LYPD5: variants seen among roughly 807,000 people sequenced by gnomAD.
LYPD5 encodes the protein ly6/PLAUR domain-containing protein 5.
LYPD5 carries 21 observed loss-of-function variants against 19.1 expected under a neutral mutation model. The ratio of observed to expected loss-of-function variants is 1.10; its 90% CI spans 0.78 to 1.58. The LOEUF is 1.58. Ranked by LOEUF, LYPD5 falls within the 40% of genes most tolerant of loss-of-function variation. The probability of loss-of-function intolerance (pLI) is 0.00; values close to 1 mark genes in which losing one functional copy is unlikely to be tolerated. For missense variants in LYPD5, 287 were observed against 329.8 expected (o/e 0.87, Z 1.00); for synonymous variants, 128 against 142.7 (o/e 0.90, Z 0.74).
intron 1 of LYPD5, among the ~76,000 whole-genome samples, chr19:43,808,252 T>C (rs989346387): frequency 6.6e-6 from 1 of 152,032 alleles, no homozygotes; most frequent in Admixed American, 6.5e-5. Context: ...ATTACAGGTG[T>C]CTGCCACCAC....
At chr19:43,817,667 G>A (rs964910673) in intron 1 of LYPD5, among the ~76,000 whole-genome samples, 1 of 151,988 alleles carries the variant, frequency 6.6e-6, no homozygotes, top group African/African-American at 2.4e-5. Context: ...CCACAGCACA[G>A]TATTGAGTTT....
chr19:43,817,581 T>C (rs1970384044), intron 1 of LYPD5, among the ~76,000 whole-genome samples: 1 of 152,120 alleles, frequency 6.6e-6, no homozygotes, highest in African/African-American at 2.4e-5. Context: ...CCAAGTGAAA[T>C]GAATGGAGGT....
intron 1 of LYPD5, among the ~76,000 whole-genome samples, chr19:43,817,793 T>C (rs1477184990): frequency 6.6e-6 from 1 of 151,970 alleles, no homozygotes; most frequent in Admixed American, 6.6e-5. Context: ...CTCAGCTCAC[T>C]GCAATCTCTG....
chr19:43,800,186 A>G (rs1970204685), intron 1 of LYPD5, among the ~76,000 whole-genome samples: 1 of 152,184 alleles, frequency 6.6e-6, no homozygotes, highest in South Asian at 2.1e-4. Flanking sequence ...AGTGGACAGC[A>G]CAGTAAGAGA....
At chr19:43,800,265 C>T (rs1315802879) in intron 1 of LYPD5, among the ~76,000 whole-genome samples, 3 of 152,166 alleles carry the variant, frequency 2.0e-5, no homozygotes, top group Non-Finnish European at 4.4e-5. Flanking sequence ...CCTGTAAACC[C>T]ATACATCAGC....
intron 1 of LYPD5, among the ~76,000 whole-genome samples, chr19:43,819,049 CT>C (rs1370330095): frequency 2.6e-5 from 4 of 152,012 alleles, no homozygotes; most frequent in Non-Finnish European, 5.9e-5. Context: ...TGCCTGTTCT[CT>C]TTTTTATTCA....
intron 2 of LYPD5, 102 bp from the exon 3 acceptor site, chr19:43,799,090 C>T: frequency 3.1e-6 from 4 of 1,301,740 alleles, no homozygotes; most frequent in Non-Finnish European, 4.1e-6. Flanking sequence ...TCACCTACAC[C>T]TCCTCCCCTC....
upstream of LYPD5, among the ~76,000 whole-genome samples, chr19:43,804,047 A>G (rs1028555641): frequency 2.0e-5 from 3 of 152,180 alleles, no homozygotes; most frequent in Non-Finnish European, 4.4e-5. Context: ...CATGTTGGCC[A>G]GGCTGGTCTT....
rs1970146911 is a variant in LYPD5, at chr19:43,797,395, A to T, written c.*196T>A. ...CATGGCTGTTTTGCCCTCCCCGGGG[A>T]TGCTGGTGACTGTGTCCAGTTTCTT... On this transcript the variant is annotated 3_prime_UTR_variant, in exon 5 of 5. Transcript: ENST00000377950. The T allele has an allele frequency of 1.8e-6, 1 of 568,466 alleles. No homozygotes were observed. The highest frequency in any genetic ancestry group is 3.1e-6 in the Non-Finnish European group (1 of 322,356). The allele number at this position is 568,466 out of a possible 1,614,324, so 35.2% of individuals were successfully genotyped here. A position where few individuals can be genotyped will look rare whatever the true frequency, so the allele number is the denominator to read the frequency against.
At chr19:43,814,248 T>C (rs1268514409) in intron 1 of LYPD5, among the ~76,000 whole-genome samples, 1 of 152,098 alleles carries the variant, frequency 6.6e-6, no homozygotes. Flanking sequence ...TCCCAGCACT[T>C]TATGAGTCTC....
At chr19:43,809,149 C>T (rs1970296856) in intron 1 of LYPD5, among the ~76,000 whole-genome samples, 1 of 151,558 alleles carries the variant, frequency 6.6e-6, no homozygotes, top group African/African-American at 2.4e-5. Flanking sequence ...AAGTGATTCT[C>T]CTGCCTCAGC....
intron 1 of LYPD5, among the ~76,000 whole-genome samples, chr19:43,815,558 G>T (rs536428092): frequency 2.0e-5 from 3 of 151,390 alleles, no homozygotes; most frequent in Non-Finnish European, 4.4e-5. Context: ...CTGGGCAATA[G>T]AGCAAGACTC....
rs1568402870 is a variant in LYPD5 at position 43,798,215 on chromosome 19, CCTCCCT to C, written c.517+234_517+239del. On this transcript the variant is annotated intron_variant, in intron 4 of 4. Coordinates refer to ENST00000377950, the MANE Select transcript of LYPD5 (RefSeq NM_001031749.3). Reference sequence around the variant, plus strand: ...CCTCCCTCAGACCAGGGTCATGCCTCCTCCCTCAGACCAGGGTCATGCCTCCTCCCT... The same window carrying C: ...CCTCCCTCAGACCAGGGTCATGCCTCCAGACCAGGGTCATGCCTCCTCCCT... Among the ~76,000 whole-genome samples the C allele has an allele frequency of 6.5e-3, 598 of 92,570 alleles. 1 individual carries two copies. Among genetic ancestry groups the C allele is most frequent in the East Asian group, 0.014 (45 of 3,114 alleles). 60.7% of individuals were successfully genotyped at this position (92,570 alleles called of 152,430 possible).
chr19:43,802,499 C>A (rs1390854864), upstream of LYPD5: 1 of 855,664 alleles, frequency 1.2e-6, no homozygotes, highest in Admixed American at 2.1e-5. Context: ...TTCGTCCCAC[C>A]CTCCCTATGT....
At chr19:43,802,936 C>T (rs1970241170), upstream of LYPD5, among the ~76,000 whole-genome samples, 1 of 152,116 alleles carries the variant, frequency 6.6e-6, no homozygotes, top group Admixed American at 6.5e-5. Flanking sequence ...GTGAACTCTT[C>T]GGGGGCCTCC....
In LYPD5 at chr19:43,799,794, G is replaced by T. The variant is rs767316236; in HGVS notation, c.105C>A (p.Tyr35Ter). 6.2e-7 allele frequency: 1 copy of T among 1,613,660 alleles called. No individual in the cohort carries two copies. The highest frequency in any genetic ancestry group is 8.5e-7 in the Non-Finnish European group (1 of 1,179,884). The change falls in exon 2 of 5, where the codon TAC becomes TAA. Residue 35 changes from tyrosine (Y) to a stop codon, truncating the protein, a stop_gained. Transcript: ENST00000377950. LOFTEE classifies it high-confidence loss of function. The part of the protein sequence containing the change: ...ALQCYSFEHT[Y>*]FGPFDLRAMK... ...TGGCCCTGAGGTCAAAGGGGCCAAAGTAGGTGTGCTCAAAGCTGTAGCACT... is the reference window on the plus strand; with the variant it reads ...TGGCCCTGAGGTCAAAGGGGCCAAATTAGGTGTGCTCAAAGCTGTAGCACT...
upstream of LYPD5, among the ~76,000 whole-genome samples, chr19:43,803,662 T>A (rs1970246933): frequency 6.6e-6 from 1 of 152,226 alleles, no homozygotes; most frequent in African/African-American, 2.4e-5. Context: ...AGAAAACTTG[T>A]ACAGTCATCC....
chr19:43,819,915 C>A (rs529550037), intron 1 of LYPD5, among the ~76,000 whole-genome samples: 2 of 151,254 alleles, frequency 1.3e-5, no homozygotes, highest in Admixed American at 6.6e-5. Flanking sequence ...AGTTCCTGAC[C>A]CAATTCCAGT....
Position 43,796,914 on chromosome 19 carries a change from T to C in LYPD5, c.*677A>G, listed in dbSNP as rs1444471690. 6.6e-6 allele frequency: 1 copy of C among 152,244 alleles called. No individual in the cohort carries two copies. The highest frequency in any genetic ancestry group is 1.5e-5 in the Non-Finnish European group (1 of 68,066). The allele number at this position is 152,244 out of a possible 1,614,324, so 9.4% of individuals were successfully genotyped here. A position where few individuals can be genotyped will look rare whatever the true frequency, so the allele number is the denominator to read the frequency against. ...CTCCACCTTATAGGTGAGAAAATAT[T>C]GGCACAGAGAGCTCAAGTAACTCAC... On this transcript the variant is annotated 3_prime_UTR_variant, in exon 5 of 5. Transcript: ENST00000377950.
Sources: gnomAD v4.1 joint callset for allele counts (sites outside exome capture counted in the v4.1 genomes callset) on GRCh38, gnomAD v4.1.1 for gene constraint, MANE v1.5 for transcripts, NCBI Gene and HGNC (gene_info 2026-07-23, HGNC 2026-07-21) for gene names.